The following DPYSL5 variants were observed in gnomAD, a reference collection of about 807,000 sequenced individuals.
The protein encoded by DPYSL5 is dihydropyrimidinase-related protein 5.
In DPYSL5, 9 loss-of-function variants were observed where a neutral mutation model predicts 58.4. The observed-to-expected ratio is 0.15, with a 90% confidence interval of 0.09 to 0.27. The LOEUF (loss-of-function observed/expected upper bound fraction) is 0.27, where lower values mean the gene tolerates loss of function less well. DPYSL5 is among the 10% of genes least tolerant of loss of function. DPYSL5 has a pLI of 1.00. For missense variants in DPYSL5, 499 were observed against 770.6 expected (o/e 0.65, Z 4.17); for synonymous variants, 293 against 301.9 (o/e 0.97, Z 0.31).
At chr2:26,926,441 G>T (rs1416889238) in intron 3 of DPYSL5, among the ~76,000 whole-genome samples, 1 of 152,066 alleles carries the variant, frequency 6.6e-6, no homozygotes, top group East Asian at 1.9e-4. Context: ...TAATTTCCTG[G>T]AGCTTATGGT....
intron 2 of DPYSL5, among the ~76,000 whole-genome samples, chr2:26,902,131 A>G (rs1664174351): frequency 6.6e-6 from 1 of 151,992 alleles, no homozygotes; most frequent in Non-Finnish European, 1.5e-5. Flanking sequence ...AACAATACAG[A>G]CCTCATTCCA....
intron 1 of DPYSL5, among the ~76,000 whole-genome samples, chr2:26,891,634 G>A (rs1044750814): frequency 1.3e-5 from 2 of 152,056 alleles, no homozygotes; most frequent in African/African-American, 2.4e-5. Context: ...GAAGGGTCAC[G>A]TTGGATTCCT....
chr2:26,866,825 G>A (rs572563513), intron 1 of DPYSL5, among the ~76,000 whole-genome samples: 20 of 149,672 alleles, frequency 1.3e-4, no homozygotes, highest in African/African-American at 3.5e-4. Context: ...TCCGTCTCCC[G>A]GGTTCAAGTG....
In DPYSL5 at chr2:26,857,976, A is replaced by G. The variant is rs114882074; in HGVS notation, c.-5+9722A>G. The stretch of plus-strand genomic sequence containing the variant: ...AGGACAGTGGTTGAGGCATAATTAT[A>G]GGATGGTGGTAATGAAACACGAGCA... On this transcript the variant is annotated intron_variant, in intron 1 of 12. Transcript: ENST00000288699. 7.6e-3 allele frequency among the ~76,000 whole-genome samples: 1,150 copies of G among 152,310 alleles called. 16 individuals carry two copies. Among genetic ancestry groups the G allele is most frequent in the African/African-American group, 0.026 (1,077 of 41,562 alleles).
chr2:26,946,856 G>T (rs1665498998), intron 12 of DPYSL5, 54 bp from the exon 13 acceptor site: 1 of 1,466,944 alleles, frequency 6.8e-7, no homozygotes, highest in Non-Finnish European at 9.5e-7. Flanking sequence ...GGTGTCTGTG[G>T]TTTGTTAGCA....
chr2:26,925,095 C>A lies in DPYSL5; in HGVS notation c.420+50C>A. On this transcript the variant is annotated intron_variant, in intron 3 of 12. Transcript: ENST00000288699. The surrounding 1 kb of genome is among the most constrained non-coding windows in gnomAD (Gnocchi z 4.5). ...AAGAAGGCACAAGTGGTCTTGTAGG[C>A]AGAGGGGCTGGTTGGGGTGCAGTGC... 1.3e-6 allele frequency: 2 copies of A among 1,594,014 alleles called. No individual in the cohort carries two copies. Among genetic ancestry groups the A allele is most frequent in the Non-Finnish European group, 8.6e-7 (1 of 1,167,960 alleles).
chr2:26,903,225 A>G (rs900773104), intron 2 of DPYSL5, among the ~76,000 whole-genome samples: 72 of 152,294 alleles, frequency 4.7e-4, no homozygotes, highest in African/African-American at 1.6e-3. Context: ...GCACACCACC[A>G]CATCTGGCTA....
rs892419755 is a variant in DPYSL5 at position 26,931,696 on chromosome 2, G to A, written c.714+12G>A. The A allele has an allele frequency of 6.2e-6, 10 of 1,613,546 alleles. No individual in the cohort carries two copies. Among genetic ancestry groups the A allele is most frequent in the Admixed American group, 3.3e-5 (2 of 59,984 alleles). On this transcript the variant is annotated intron_variant, in intron 6 of 12. Coordinates refer to ENST00000288699, the MANE Select transcript of DPYSL5 (RefSeq NM_020134.4). ...CCATTGCAAACAGGGTAAGTCCCCC[G>A]ATGTCCACTGTGGGATTAGAAACCA...
intron 12 of DPYSL5, among the ~76,000 whole-genome samples, chr2:26,945,771 C>T (rs1665462319): frequency 6.6e-6 from 1 of 152,210 alleles, no homozygotes; most frequent in Non-Finnish European, 1.5e-5. Flanking sequence ...AGACCCTGGT[C>T]CTTCCACCCA....
intron 2 of DPYSL5, among the ~76,000 whole-genome samples, chr2:26,922,495 C>T (rs972805883): frequency 6.6e-6 from 1 of 152,220 alleles, no homozygotes; most frequent in African/African-American, 2.4e-5. Context: ...AGAATCAGCA[C>T]ATGATCCTCC....
At position 26,849,434 on chromosome 2, in the gene DPYSL5, G is replaced by C. The variant is rs2148098111; in HGVS notation, c.-5+1180G>C. On this transcript the variant is annotated intron_variant, in intron 1 of 12. Transcript: ENST00000288699. This position sits in a 1 kb window ranked among gnomAD's most constrained non-coding sequence, Gnocchi z 6.2. Reference sequence around the variant, plus strand: ...GCCCCGCGGCCCAGGTGGCCGGCTGGGCGTGGCCCTCGGACCGGGGTTAGG... The same window carrying C: ...GCCCCGCGGCCCAGGTGGCCGGCTGCGCGTGGCCCTCGGACCGGGGTTAGG... Among the ~76,000 whole-genome samples, 1 of 152,214 alleles carries C rather than the reference G, an allele frequency of 6.6e-6. No homozygotes were observed. Among genetic ancestry groups the C allele is most frequent in the East Asian group, 2.0e-4 (1 of 5,114 alleles).
Position 26,940,184 on chromosome 2 carries a change from A to C in DPYSL5, c.1089+12A>C. The C allele has an allele frequency of 6.2e-7, 1 of 1,613,374 alleles. No homozygotes were observed. On this transcript the variant is annotated intron_variant, in intron 9 of 12. Coordinates refer to ENST00000288699, the MANE Select transcript of DPYSL5 (RefSeq NM_020134.4). ...GGGAGAGAGGAGTGGTATGTTTCCTAGAGCCCCGCCCCGATCTGATCCCTG... is the reference window on the plus strand; with the variant it reads ...GGGAGAGAGGAGTGGTATGTTTCCTCGAGCCCCGCCCCGATCTGATCCCTG...
At chr2:26,887,540 A>G (rs1663750508) in intron 1 of DPYSL5, among the ~76,000 whole-genome samples, 1 of 152,204 alleles carries the variant, frequency 6.6e-6, no homozygotes, top group African/African-American at 2.4e-5. Flanking sequence ...TGTACCTTAT[A>G]GGAGTGTATG....
rs551127210 is a variant in DPYSL5 at position 26,893,853 on chromosome 2, G to C, written c.-4-4643G>C. The stretch of plus-strand genomic sequence containing the variant: ...CCCTGAAGAACGAGAAATTTACTGC[G>C]TATAAAAGTGGGCTTTATTTTACCT... On this transcript the variant is annotated intron_variant, in intron 1 of 12. Transcript: ENST00000288699. Among the ~76,000 whole-genome samples, 9 of 152,168 alleles carry C rather than the reference G, an allele frequency of 5.9e-5. No homozygotes were observed. In the East Asian group the frequency reaches 7.7e-4, roughly 13 times the overall value.
chr2:26,913,095 A>C (rs1664481676), intron 2 of DPYSL5, among the ~76,000 whole-genome samples: 1 of 152,210 alleles, frequency 6.6e-6, no homozygotes, highest in Non-Finnish European at 1.5e-5. Flanking sequence ...CATGCAACAT[A>C]AAATTTACCG....
intron 1 of DPYSL5, among the ~76,000 whole-genome samples, chr2:26,868,558 AC>A (rs1185652759): frequency 6.6e-6 from 1 of 152,226 alleles, no homozygotes; most frequent in Non-Finnish European, 1.5e-5. Flanking sequence ...CAGATGAATA[AC>A]CAGTTGTGCC....
chr2:26,944,561 C>A lies in DPYSL5; in HGVS notation c.1441-95C>A. ...TGGGTCTTGGGCAGAGTGGCAGTGT[C>A]TAATGTCCCACCGGCCCCCAGGGAG... On this transcript the variant is annotated intron_variant, in intron 11 of 12. Coordinates refer to ENST00000288699, the MANE Select transcript of DPYSL5 (RefSeq NM_020134.4). This position sits in a 1 kb window ranked among gnomAD's most constrained non-coding sequence, Gnocchi z 4.4. The A allele has an allele frequency of 7.0e-7, 1 of 1,420,208 alleles. No homozygotes were observed. The highest frequency in any genetic ancestry group is 9.6e-7 in the Non-Finnish European group (1 of 1,037,104). 88.0% of individuals were successfully genotyped at this position (1,420,208 alleles called of 1,614,324 possible). A position where few individuals can be genotyped will look rare whatever the true frequency, so the allele number is the denominator to read the frequency against.
At chr2:26,856,080 T>TA (rs574709469) in intron 1 of DPYSL5, among the ~76,000 whole-genome samples, 4 of 151,850 alleles carry the variant, frequency 2.6e-5, no homozygotes, top group African/African-American at 4.8e-5. Flanking sequence ...GGGTGCATTT[T>TA]AAAAAAAACT....
chr2:26,902,964 C>G (rs193177486), intron 2 of DPYSL5, among the ~76,000 whole-genome samples: 8 of 152,262 alleles, frequency 5.3e-5, no homozygotes, highest in Admixed American at 5.2e-4. Flanking sequence ...ATAATCCACC[C>G]CTTGTTTAGC....
Sources: allele counts gnomAD v4.1 joint callset (sites outside exome capture counted in the v4.1 genomes callset), GRCh38; gene constraint gnomAD v4.1.1; non-coding constraint Gnocchi (gnomAD v3.1); transcripts MANE v1.5; gene names NCBI Gene and HGNC (gene_info 2026-07-23, HGNC 2026-07-21).